MAGEC3: variants seen among roughly 807,000 people sequenced by gnomAD.
The protein encoded by MAGEC3 is melanoma-associated antigen C3.
A neutral mutation model predicts 35.3 loss-of-function variants in MAGEC3; 34 were observed. That is an observed-to-expected ratio of 0.96 (90% confidence interval 0.73 to 1.28). MAGEC3 has a LOEUF of 1.28. MAGEC3 is among the 50% of genes most tolerant of loss of function. The pLI, the probability that MAGEC3 is intolerant of heterozygous loss-of-function variation, is 0.00. For missense variants in MAGEC3, 561 were observed against 483.6 expected (o/e 1.16, Z -1.50); for synonymous variants, 202 against 185.6 (o/e 1.09, Z -0.72).
At position 141,881,653 on chromosome X, in the gene MAGEC3, T is replaced by G. The variant is rs1456283079; in HGVS notation, c.766T>G (p.Leu256Val). Reference sequence around the variant, plus strand: ...CCATTTCTATGTCTTTGTAAACACATTAGACCTCACCTGTGAGGGGAGTCT... The same window carrying G: ...CCATTTCTATGTCTTTGTAAACACAGTAGACCTCACCTGTGAGGGGAGTCT... Reference protein sequence around the residue: ...PDHFYVFVNTLDLTCEGSLSD... With the variant: ...PDHFYVFVNTVDLTCEGSLSD... The change falls in exon 4 of 8, where the codon TTA becomes GTA. Residue 256 changes from leucine (L) to valine (V), a missense_variant. Physicochemically the swap from Leu to Val is conservative, Grantham distance 32 (BLOSUM62 1). Transcript: ENST00000298296. 3 of 1,211,592 alleles carry G rather than the reference T, an allele frequency of 2.5e-6. No individual in the cohort carries two copies. The highest frequency in any genetic ancestry group is 2.2e-5 in the Admixed American group (1 of 46,034).
At chrX:141,839,078 T>C (rs2124075954) in intron 1 of MAGEC3, among the ~76,000 whole-genome samples, 1 of 111,330 alleles carries the variant, frequency 9.0e-6, no homozygotes, top group South Asian at 3.9e-4. Context: ...TGGCTGGGAT[T>C]ATAGGAGTCT....
chrX:141,871,379 G>T (rs751226363), intron 2 of MAGEC3, among the ~76,000 whole-genome samples: 4 of 111,345 alleles, frequency 3.6e-5, no homozygotes, highest in Non-Finnish European at 5.6e-5. Context: ...AATGGGATTT[G>T]TGATGCCTTT....
chrX:141,878,354 T>C (rs2017933618), intron 2 of MAGEC3, among the ~76,000 whole-genome samples: 1 of 111,844 alleles, frequency 8.9e-6, no homozygotes, highest in African/African-American at 3.3e-5. Flanking sequence ...CAGGGTAAAA[T>C]TACATTATTT....
Position 141,897,620 on chromosome X carries a change from G to T in MAGEC3, c.1729-9G>T. 1 of 1,205,263 alleles carries T rather than the reference G, an allele frequency of 8.3e-7. No individual in the cohort carries two copies. The highest frequency in any genetic ancestry group is 1.7e-5 in the African/African-American group (1 of 57,699). ...CCTCCACGTTATGAATTTTTGTGGGGTCCAAGAGCCCATTCAGAGGCCAGC... is the reference window on the plus strand; with the variant it reads ...CCTCCACGTTATGAATTTTTGTGGGTTCCAAGAGCCCATTCAGAGGCCAGC... On this transcript the variant is annotated splice_polypyrimidine_tract_variant and intron_variant, in intron 7 of 7. Transcript: ENST00000298296.
At chrX:141,863,443 A>G (rs1447067707) in intron 1 of MAGEC3, among the ~76,000 whole-genome samples, 5 of 111,726 alleles carry the variant, frequency 4.5e-5, no homozygotes, top group African/African-American at 1.6e-4. Flanking sequence ...TGTAAAACAA[A>G]GAATGAACCC....
At chrX:141,842,364 T>C (rs1438499809) in intron 1 of MAGEC3, among the ~76,000 whole-genome samples, 1 of 111,829 alleles carries the variant, frequency 8.9e-6, no homozygotes, top group African/African-American at 3.2e-5. Context: ...TGAGTGATTT[T>C]ATGGAATTTC....
chrX:141,847,763 A>G (rs2017725753), intron 1 of MAGEC3, among the ~76,000 whole-genome samples: 1 of 111,443 alleles, frequency 9.0e-6, no homozygotes, highest in Non-Finnish European at 1.9e-5. Context: ...AGAAAAGAAG[A>G]AAGATCTTAA....
chrX:141,852,474 C>T (rs895247026), intron 1 of MAGEC3, among the ~76,000 whole-genome samples: 1 of 110,733 alleles, frequency 9.0e-6, no homozygotes, highest in South Asian at 3.8e-4. Flanking sequence ...ATACTTTCAG[C>T]TCTATGTTGA....
chrX:141,858,115 A>G (rs1202631480), intron 1 of MAGEC3, among the ~76,000 whole-genome samples: 10 of 111,349 alleles, frequency 9.0e-5, no homozygotes. Context: ...TAACTTATGC[A>G]TATAAGTTAG....
intron 1 of MAGEC3, among the ~76,000 whole-genome samples, chrX:141,851,791 G>A (rs185768402): frequency 6.3e-5 from 7 of 111,234 alleles, no homozygotes; most frequent in African/African-American, 2.3e-4. Flanking sequence ...CTATTCCATT[G>A]ATCTGTATGT....
intron 2 of MAGEC3, among the ~76,000 whole-genome samples, chrX:141,878,554 C>T (rs953242482): frequency 9.0e-6 from 1 of 111,561 alleles, no homozygotes. Context: ...GTGGTGTCCC[C>T]CTGACATTTT....
intron 1 of MAGEC3, among the ~76,000 whole-genome samples, chrX:141,862,342 A>T (rs2124097550): frequency 8.9e-6 from 1 of 112,227 alleles, no homozygotes; most frequent in South Asian, 3.7e-4. Context: ...TGAGAATGTA[A>T]ATCAGTACAA....
intron 1 of MAGEC3, among the ~76,000 whole-genome samples, chrX:141,854,876 A>G (rs1434361338): frequency 8.9e-6 from 1 of 111,823 alleles, no homozygotes; most frequent in Non-Finnish European, 1.9e-5. Context: ...CTGAAGAGGT[A>G]GGCAAGGGTG....
Position 141,895,323 on chromosome X carries a change from G to A in MAGEC3, c.964G>A (p.Glu322Lys), listed in dbSNP as rs1025516471. 4.1e-6 allele frequency: 5 copies of A among 1,208,310 alleles called. No individual in the cohort carries two copies. In the African/African-American group the frequency reaches 8.8e-5, roughly 21 times the overall value. The change falls in exon 5 of 8, where the codon GAG (glutamate) becomes AAG (lysine). Residue 322 changes from glutamate to lysine, a missense_variant. Coordinates refer to ENST00000298296, the MANE Select transcript of MAGEC3 (RefSeq NM_138702.1). ...ADVLSRLALW[E>K]SEGPEAFCEE... ...TGTGCTTTCCCGACTTGCACTGTGG[G>A]AGTCTGAAGGACCTGAAGCATTTTG...
At chrX:141,883,289 AT>A (rs777299984) in intron 4 of MAGEC3, among the ~76,000 whole-genome samples, 4 of 112,372 alleles carry the variant, frequency 3.6e-5, no homozygotes, top group Non-Finnish European at 7.5e-5. Flanking sequence ...TAATTAGGTT[AT>A]TTTAAATGTA....
intron 1 of MAGEC3, among the ~76,000 whole-genome samples, chrX:141,850,993 T>C (rs1289209770): frequency 9.0e-6 from 1 of 111,303 alleles, no homozygotes; most frequent in Non-Finnish European, 1.9e-5. Flanking sequence ...ACTTCAGTAA[T>C]AAATTTTACC....
intron 1 of MAGEC3, among the ~76,000 whole-genome samples, chrX:141,846,154 C>T (rs1302127996): frequency 9.2e-6 from 1 of 108,677 alleles, no homozygotes; most frequent in Non-Finnish European, 1.9e-5. Flanking sequence ...GCACTGCTTA[C>T]TCAACAGCCA....
At chrX:141,854,598 C>T (rs2017769705) in intron 1 of MAGEC3, among the ~76,000 whole-genome samples, 1 of 111,248 alleles carries the variant, frequency 9.0e-6, no homozygotes, top group Admixed American at 9.5e-5. Context: ...CTCCCTTTGC[C>T]TGCTGCCATC....
intron 2 of MAGEC3, among the ~76,000 whole-genome samples, chrX:141,875,625 C>T (rs954759852): frequency 1.8e-5 from 2 of 111,960 alleles, no homozygotes; most frequent in Admixed American, 9.5e-5. Context: ...ATCCCAAGAA[C>T]GTTAGTCCCT....
Sources: gnomAD v4.1 joint callset for allele counts (sites outside exome capture counted in the v4.1 genomes callset) on GRCh38, gnomAD v4.1.1 for gene constraint, MANE v1.5 for transcripts, NCBI Gene and HGNC (gene_info 2026-07-23, HGNC 2026-07-21) for gene names.